Variants in ALK observed in about 807,000 individuals in gnomAD.
The protein encoded by ALK is ALK tyrosine kinase receptor.
Under a neutral mutation model 163.1 loss-of-function variants are expected in ALK, and 74 were observed. The observed-to-expected ratio is 0.45, with a 90% CI of 0.38 to 0.55. ALK has a LOEUF of 0.55. Ranked by LOEUF, ALK falls within the 20% of genes least tolerant of loss-of-function variation. The pLI is 0.00. For synonymous variants in ALK, 960 were observed against 843.2 expected, an observed-to-expected ratio of 1.14 and a Z score of -2.40; for missense variants, 2,063 against 2,105.3, an observed-to-expected ratio of 0.98 and a Z score of 0.39.
At chr2:29,456,105 C>T (rs1405839178) in intron 4 of ALK, among the ~76,000 whole-genome samples, 6 of 152,126 alleles carry the variant, frequency 3.9e-5, no homozygotes, top group Admixed American at 2.0e-4. Flanking sequence ...TTGGAACCCT[C>T]GTGCATTGCT....
At chr2:29,443,287 G>C (rs1010210659) in intron 4 of ALK, among the ~76,000 whole-genome samples, 2 of 152,204 alleles carry the variant, frequency 1.3e-5, no homozygotes, top group South Asian at 4.1e-4. Context: ...ACCTCCCAGA[G>C]AGTATCTGAG....
At chr2:29,896,701 G>T (rs1165319914) in intron 1 of ALK, among the ~76,000 whole-genome samples, 1 of 152,178 alleles carries the variant, frequency 6.6e-6, no homozygotes, top group Non-Finnish European at 1.5e-5. Flanking sequence ...GCTAAGACAA[G>T]TGTGGAGCAC....
At chr2:29,618,973 C>T (rs372145623) in intron 3 of ALK, among the ~76,000 whole-genome samples, 34 of 147,260 alleles carry the variant, frequency 2.3e-4, no homozygotes, top group Admixed American at 4.8e-4. Flanking sequence ...AGCGAGACTG[C>T]GTCTCAAAAA....
At position 29,380,374 on chromosome 2, in the gene ALK, G is replaced by A. The variant is rs9751798; in HGVS notation, c.1282+3358C>T. On this transcript the variant is annotated intron_variant, in intron 5 of 28. Coordinates refer to ENST00000389048, the MANE Select transcript of ALK (RefSeq NM_004304.5). ...CTGCCTCAGCCTCCCAAAGTGCTGG[G>A]ATTACAGGCATGAGCCACCTTGCCT... is the stretch of plus-strand genomic sequence containing the variant. 2.7e-3 allele frequency among the ~76,000 whole-genome samples: 417 copies of A among 152,090 alleles called. 2 individuals carry two copies. The highest frequency in any genetic ancestry group is 9.5e-3 in the African/African-American group (394 of 41,478).
intron 1 of ALK, among the ~76,000 whole-genome samples, chr2:29,755,288 T>C (rs1278509386): frequency 6.6e-6 from 1 of 152,208 alleles, no homozygotes; most frequent in Non-Finnish European, 1.5e-5. Flanking sequence ...TGGCCCTGTG[T>C]GAGGGCCTGT....
chr2:29,417,552 T>A (rs984675093), intron 4 of ALK, among the ~76,000 whole-genome samples: 3 of 152,110 alleles, frequency 2.0e-5, no homozygotes, highest in African/African-American at 7.2e-5. Flanking sequence ...GTTCCCCAGA[T>A]AAAGAGACCC....
In ALK at chr2:29,443,570, C is replaced by T. The variant is rs138242789; in HGVS notation, c.1155-59711G>A. On this transcript the variant is annotated intron_variant, in intron 4 of 28. Transcript: ENST00000389048. Reference sequence around the variant, plus strand: ...CTTACAGCCTCTGCCCTCCTTTGCCCGCTGGCTTTGCTTCTTGCTCCCAAT... The same window carrying T: ...CTTACAGCCTCTGCCCTCCTTTGCCTGCTGGCTTTGCTTCTTGCTCCCAAT... Among the ~76,000 whole-genome samples, 190 of 152,250 alleles carry T rather than the reference C, an allele frequency of 1.2e-3. 2 individuals carry two copies. The highest frequency in any genetic ancestry group is 4.4e-3 in the African/African-American group (184 of 41,544).
chr2:29,872,246 A>T (rs1199907963), intron 1 of ALK, among the ~76,000 whole-genome samples: 1 of 152,182 alleles, frequency 6.6e-6, no homozygotes, highest in Non-Finnish European at 1.5e-5. Flanking sequence ...TTAAGTACAG[A>T]GCAGGGGAGG....
At chr2:29,573,104 T>C (rs551634482) in intron 3 of ALK, among the ~76,000 whole-genome samples, 53 of 152,216 alleles carry the variant, frequency 3.5e-4, no homozygotes, top group Non-Finnish European at 6.5e-4. Flanking sequence ...CCTGATGAAC[T>C]TCTACAGCTC....
At chr2:29,510,058 A>G (rs970353372) in intron 4 of ALK, among the ~76,000 whole-genome samples, 6 of 152,198 alleles carry the variant, frequency 3.9e-5, no homozygotes, top group African/African-American at 1.4e-4. Flanking sequence ...CAAGGTGGCC[A>G]GTGGAGGTGG....
chr2:29,713,902 T>A (rs913826718), intron 2 of ALK, among the ~76,000 whole-genome samples: 3 of 151,952 alleles, frequency 2.0e-5, no homozygotes, highest in Non-Finnish European at 2.9e-5. Context: ...GAACCTTTCA[T>A]CGTCCTGTTT....
intron 3 of ALK, among the ~76,000 whole-genome samples, chr2:29,644,070 A>T (rs1444742318): frequency 6.6e-6 from 1 of 152,102 alleles, no homozygotes; most frequent in Non-Finnish European, 1.5e-5. Context: ...ATGCAGCCAT[A>T]AAAAATGATG....
intron 3 of ALK, among the ~76,000 whole-genome samples, chr2:29,642,150 A>G (rs912970796): frequency 6.6e-6 from 1 of 152,152 alleles, no homozygotes; most frequent in Non-Finnish European, 1.5e-5. Flanking sequence ...CCACCCCAGA[A>G]CTGCTGAAGT....
chr2:29,619,391 T>C (rs1447352223), intron 3 of ALK, among the ~76,000 whole-genome samples: 1 of 152,226 alleles, frequency 6.6e-6, no homozygotes, highest in South Asian at 2.1e-4. Flanking sequence ...GTTTCTCCAG[T>C]GTGGAAAATA....
At chr2:29,685,158 C>A (rs1219161497) in intron 3 of ALK, among the ~76,000 whole-genome samples, 2 of 152,196 alleles carry the variant, frequency 1.3e-5, no homozygotes, top group Non-Finnish European at 2.9e-5. Flanking sequence ...AAACGGGGCT[C>A]ATTTATGAGC....
intron 3 of ALK, among the ~76,000 whole-genome samples, chr2:29,685,603 T>C (rs957143200): frequency 6.6e-6 from 1 of 151,358 alleles, no homozygotes; most frequent in Non-Finnish European, 1.5e-5. Flanking sequence ...CTGAGCCTTG[T>C]TCCTTCTAGA....
intron 3 of ALK, among the ~76,000 whole-genome samples, chr2:29,607,768 C>G (rs553060143): frequency 3.5e-4 from 53 of 152,204 alleles, no homozygotes; most frequent in African/African-American, 1.3e-3. Context: ...TGCCTCAAAG[C>G]CTTCTTGGAA....
At chr2:29,722,073 A>G (rs527356822) in intron 1 of ALK, among the ~76,000 whole-genome samples, 128 of 152,230 alleles carry the variant, frequency 8.4e-4, no homozygotes, top group African/African-American at 3.0e-3. Flanking sequence ...TGCTTCTTGG[A>G]TTTTTCACAT....
intron 4 of ALK, among the ~76,000 whole-genome samples, chr2:29,449,473 GT>G (rs2148090579): frequency 6.6e-6 from 1 of 152,306 alleles, no homozygotes; most frequent in East Asian, 1.9e-4. Context: ...AGACTTGCAT[GT>G]TGGTGTCTGC....
Sources: gnomAD v4.1 joint callset for allele counts (sites outside exome capture counted in the v4.1 genomes callset) on GRCh38, gnomAD v4.1.1 for gene constraint, MANE v1.5 for transcripts, NCBI Gene and HGNC (gene_info 2026-07-23, HGNC 2026-07-21) for gene names.